Variants in RTCB observed in about 807,000 individuals in gnomAD.
The protein encoded by RTCB is RNA 2',3'-cyclic phosphate and 5'-OH ligase.
A neutral mutation model predicts 58.2 loss-of-function variants in RTCB; 32 were observed. The ratio of observed to expected loss-of-function variants is 0.55; its 90% CI spans 0.41 to 0.74. The LOEUF (loss-of-function observed/expected upper bound fraction) is 0.74. RTCB is among the 30% of genes least tolerant of loss of function. The pLI is 0.00. For synonymous variants in RTCB, 247 were observed against 218.6 expected (o/e 1.13, Z -1.15); for missense variants, 523 against 639.0 (o/e 0.82, Z 1.96).
chr22:32,410,320 C>G (rs1024436762), intron 1 of RTCB, among the ~76,000 whole-genome samples: 1 of 151,846 alleles, frequency 6.6e-6, no homozygotes, highest in Non-Finnish European at 1.5e-5. Flanking sequence ...AGGAACTAAA[C>G]GCAAAAATGA....
rs1933432567 is a variant in RTCB, at chr22:32,406,772, A to G, written c.241-11T>C. On this transcript the variant is annotated splice_polypyrimidine_tract_variant and intron_variant, in intron 3 of 11. Transcript: ENST00000216038. ...AAGCCCAATAGATCGCTGAAAAAGA[A>G]TTAGAAAATGAAATACAAGTGTCTT... 6.3e-7 allele frequency: 1 copy of G among 1,592,018 alleles called. No individual in the cohort carries two copies. The highest frequency in any genetic ancestry group is 1.1e-5 in the South Asian group (1 of 90,660).
intron 4 of RTCB, among the ~76,000 whole-genome samples, chr22:32,405,722 G>A (rs2145897229): frequency 6.6e-6 from 1 of 152,174 alleles, no homozygotes; most frequent in East Asian, 1.9e-4. Context: ...TTTTTACCCA[G>A]CCTTTCTAAT....
In RTCB at chr22:32,410,425, T is replaced by C. The variant is rs373702844; in HGVS notation, c.94-1592A>G. On this transcript the variant is annotated intron_variant, in intron 1 of 11. Transcript: ENST00000216038. Reference sequence around the variant, plus strand: ...GGAGAAATGGAGATTTAGTAACAGATGATTATCTGTGTGAAATTCACTGCT... The same window carrying C: ...GGAGAAATGGAGATTTAGTAACAGACGATTATCTGTGTGAAATTCACTGCT... Among the ~76,000 whole-genome samples, 8 of 151,726 alleles carry C rather than the reference T, an allele frequency of 5.3e-5. No individual in the cohort carries two copies. In the East Asian group the frequency reaches 1.4e-3, roughly 26 times the overall value.
chr22:32,405,905 T>C (rs1405306362), intron 4 of RTCB, among the ~76,000 whole-genome samples: 1 of 152,200 alleles, frequency 6.6e-6, no homozygotes, highest in African/African-American at 2.4e-5. Context: ...AGAAGGCGTA[T>C]GCAACCTTCT....
At chr22:32,392,413 T>TC (rs1933168491) in intron 10 of RTCB, 54 bp from the exon 11 acceptor site, 8 of 1,610,892 alleles carry the variant, frequency 5.0e-6, no homozygotes, top group Non-Finnish European at 5.9e-6. Flanking sequence ...ATAAGCCCTT[T>TC]CCCTGATTTT....
chr22:32,411,286 A>G (rs969259823), intron 1 of RTCB, among the ~76,000 whole-genome samples: 4 of 152,230 alleles, frequency 2.6e-5, no homozygotes, highest in African/African-American at 9.6e-5. Flanking sequence ...AATACGTTGC[A>G]AAACTTCATA....
intron 4 of RTCB, among the ~76,000 whole-genome samples, chr22:32,402,443 A>G (rs766719024): frequency 7.2e-5 from 11 of 152,278 alleles, no homozygotes; most frequent in Non-Finnish European, 1.0e-4. Flanking sequence ...AATTTTAGAC[A>G]TAAGTACTTT....
chr22:32,412,187 C>A lies in RTCB; in HGVS notation c.-31G>T. 1 of 1,553,320 alleles carries A rather than the reference C, an allele frequency of 6.4e-7. No individual in the cohort carries two copies. Among genetic ancestry groups the A allele is most frequent in the Non-Finnish European group, 8.7e-7 (1 of 1,144,946 alleles). On this transcript the variant is annotated 5_prime_UTR_variant, in exon 1 of 12. Coordinates refer to ENST00000216038, the MANE Select transcript of RTCB (RefSeq NM_014306.5). ...CGAAAACTGTAGCAAAAACTCCCGG[C>A]TCCGCTTTGAAGAGCCGCTGCCGCG...
At chr22:32,395,345 CG>C in intron 8 of RTCB, 131 bp from the exon 9 acceptor site, 1 of 709,572 alleles carries the variant, frequency 1.4e-6, no homozygotes. Context: ...CAAAAGTAGC[CG>C]TAAGATTATC....
At chr22:32,394,909 G>A in intron 9 of RTCB, 117 bp downstream of exon 9, 1 of 848,104 alleles carries the variant, frequency 1.2e-6, no homozygotes, top group Non-Finnish European at 1.9e-6. Flanking sequence ...CTGTTCTCAT[G>A]AGTGACAGAG....
chr22:32,396,104 G>A lies in RTCB; in HGVS notation c.960C>T (p.Asn320=), dbSNP rs373679839. ...MAAAGNYAWV[N]RSSMTFLTRQ... Reference sequence around the variant, plus strand: ...GGGTTAAGAAGGTCATGGAAGAGCGGTTGACCCAGGCATAGTTCCCAGCAG... The same window carrying A: ...GGGTTAAGAAGGTCATGGAAGAGCGATTGACCCAGGCATAGTTCCCAGCAG... The change falls in exon 8 of 12, where the codon AAC becomes AAT. Residue 320 remains asparagine (N), a synonymous_variant. Transcript: ENST00000216038. 139 of 1,614,010 alleles carry A rather than the reference G, an allele frequency of 8.6e-5. No homozygotes were observed. Among genetic ancestry groups the A allele is most frequent in the Non-Finnish European group, 1.2e-4 (136 of 1,180,016 alleles).
chr22:32,393,844 T>C, intron 10 of RTCB, 48 bp downstream of exon 10: 3 of 1,306,926 alleles, frequency 2.3e-6, no homozygotes, highest in South Asian at 1.2e-5. Context: ...TGGAAAACCA[T>C]AGCTAAACTG....
chr22:32,392,537 T>C (rs1446498135), intron 10 of RTCB, 178 bp from the exon 11 acceptor site: 2 of 829,908 alleles, frequency 2.4e-6, no homozygotes, highest in Non-Finnish European at 4.0e-6. Flanking sequence ...AATTCTTTGT[T>C]GGGAGGCTGT....
intron 7 of RTCB, among the ~76,000 whole-genome samples, chr22:32,397,227 C>T (rs1933260330): frequency 6.6e-6 from 1 of 152,202 alleles, no homozygotes; most frequent in Non-Finnish European, 1.5e-5. Flanking sequence ...CGTCACAATT[C>T]ATACATTATT....
intron 10 of RTCB, chr22:32,392,581 T>C (rs1933173423): frequency 1.5e-6 from 1 of 683,074 alleles, no homozygotes; most frequent in Non-Finnish European, 2.6e-6. Flanking sequence ...CAGCGCAGTG[T>C]ATTCAGCAGC....
chr22:32,390,072 T>A (rs749886938), intron 11 of RTCB, among the ~76,000 whole-genome samples: 3 of 152,226 alleles, frequency 2.0e-5, no homozygotes, highest in Non-Finnish European at 4.4e-5. Context: ...TTTGCTCTAC[T>A]GTCACCTCAC....
chr22:32,408,059 T>C, intron 3 of RTCB, 116 bp downstream of exon 3: 1 of 916,844 alleles, frequency 1.1e-6, no homozygotes, highest in Non-Finnish European at 1.7e-6. Context: ...GCTTCATGGT[T>C]ATGTCTGGCT....
At chr22:32,398,667 T>A (rs1933285942) in intron 6 of RTCB, among the ~76,000 whole-genome samples, 1 of 152,236 alleles carries the variant, frequency 6.6e-6, no homozygotes, top group African/African-American at 2.4e-5. Context: ...TTTTAAATGG[T>A]TCATGGGATA....
Position 32,412,079 on chromosome 22 carries a change from GAAGCCC to G in RTCB, c.72_77del (p.Lys24_Phe26delinsAsn). ...CCTGCCTTACCTGCATGTTGGGCAC[GAAGCCC>G]TTCTTGATCCTCCAGCAGTTTTTAT... On this transcript the variant is annotated inframe_deletion, in exon 1 of 12. Coordinates refer to ENST00000216038, the MANE Select transcript of RTCB (RefSeq NM_014306.5). The G allele has an allele frequency of 6.2e-7, 1 of 1,607,404 alleles. No homozygotes were observed. Among genetic ancestry groups the G allele is most frequent in the Non-Finnish European group, 8.5e-7 (1 of 1,178,440 alleles).
Sources: allele counts gnomAD v4.1 joint callset (sites outside exome capture counted in the v4.1 genomes callset), GRCh38; gene constraint gnomAD v4.1.1; transcripts MANE v1.5; gene names NCBI Gene and HGNC (gene_info 2026-07-23, HGNC 2026-07-21).